Variants in SZT2 observed in about 807,000 individuals in gnomAD.
SZT2 encodes SZT2 subunit of KICSTOR complex.
A neutral mutation model predicts 404.2 loss-of-function variants in SZT2; 216 were observed. The ratio of observed to expected loss-of-function variants is 0.53; its 90% CI spans 0.48 to 0.60. The LOEUF is 0.60. Ranked by LOEUF, SZT2 falls within the 20% of genes least tolerant of loss-of-function variation. SZT2 has a pLI of 0.00. For synonymous variants in SZT2, 1,693 were observed against 1,749.9 expected, an observed-to-expected ratio of 0.97 and a Z score of 0.81; for missense variants, 3,857 against 4,459.2, an observed-to-expected ratio of 0.86 and a Z score of 3.85.
chr1:43,403,179 G>T lies in SZT2; in HGVS notation c.30G>T (p.Val10=). The T allele has an allele frequency of 6.2e-7, 1 of 1,614,096 alleles. No individual in the cohort carries two copies. Among genetic ancestry groups the T allele is most frequent in the Non-Finnish European group, 8.5e-7 (1 of 1,179,984 alleles). MASERPEPE[V]EEAGQVFLLM... Reference sequence around the variant, plus strand: ...TATTAATGTCTCTTTGTTCCCAGGTGGAAGAAGCTGGGCAGGTGTTCCTGT... The same window carrying T: ...TATTAATGTCTCTTTGTTCCCAGGTTGAAGAAGCTGGGCAGGTGTTCCTGT... The change falls in exon 2 of 72, where the codon GTG becomes GTT. Residue 10 remains valine (V), a splice_region_variant and synonymous_variant. Transcript: ENST00000634258.
At position 43,441,830 on chromosome 1, in the gene SZT2, T is replaced by A; in HGVS notation, c.7742+12T>A. On this transcript the variant is annotated intron_variant, in intron 55 of 71. Transcript: ENST00000634258. This position sits in a 1 kb window ranked among gnomAD's most constrained non-coding sequence, Gnocchi z 4.8. ...TTTGAGCAGCATTTGTGAGTGTAGA[T>A]CCTATAGAATTGAAGGGAACTCCCC... 5 of 1,613,650 alleles carry A rather than the reference T, an allele frequency of 3.1e-6. No homozygotes were observed. The highest frequency in any genetic ancestry group is 4.2e-6 in the Non-Finnish European group (5 of 1,179,708).
chr1:43,443,018 C>G lies in SZT2; in HGVS notation c.8351C>G (p.Pro2784Arg), dbSNP rs1655244150. ...CCCAGCTCCGTACTTGGTCCTGTGC[C>G]CAGACCTCCTGATCCTGTCACCTAC... ...ARPSSVLGPV[P>R]RPPDPVTYHG... Residue 2784 changes from proline (P) to arginine (R), a missense_variant, in exon 59 of 72, where the codon CCC (proline) becomes CGC (arginine). Physicochemically the swap from Pro to Arg is moderately radical, Grantham distance 103. Transcript: ENST00000634258. 1 of 1,614,072 alleles carries G rather than the reference C, an allele frequency of 6.2e-7. No individual in the cohort carries two copies. The highest frequency in any genetic ancestry group is 2.2e-5 in the East Asian group (1 of 44,874).
rs1208718138 is a variant in SZT2 at position 43,429,721 on chromosome 1, A to C, written c.4185A>C (p.Leu1395=). ...CATTCAGCATAGAGACCGAGGACCT[A>C]AGCGAGCCTGAGTTTCAGAGCACCC... ...ASESSIETED[L]SEPEFQSTRV... The change falls in exon 29 of 72, where the codon CTA becomes CTC. Residue 1395 remains leucine, a synonymous_variant. Transcript: ENST00000634258. 5.6e-6 allele frequency: 9 copies of C among 1,614,062 alleles called. No individual in the cohort carries two copies. Among genetic ancestry groups the C allele is most frequent in the Non-Finnish European group, 7.6e-6 (9 of 1,180,042 alleles).
Position 43,420,084 on chromosome 1 carries a change from C to T in SZT2, c.1091-69C>T. ...CCTCACAGTCATTTCAGCATAGCCC[C>T]TTCCCCCTACAGATCTGTCAGTTGG... On this transcript the variant is annotated intron_variant, in intron 8 of 71. Transcript: ENST00000634258. The surrounding 1 kb of genome is among the most constrained non-coding windows in gnomAD (Gnocchi z 5.1). 2 of 1,579,748 alleles carry T rather than the reference C, an allele frequency of 1.3e-6. No homozygotes were observed. Among genetic ancestry groups the T allele is most frequent in the Non-Finnish European group, 1.7e-6 (2 of 1,168,272 alleles).
Position 43,453,621 on chromosome 1 carries a change from C to G in SZT2, c.*3141C>G. ...CGGGGGCGTGTTGATCAGTACAAGC[C>G]GCAGCCCCGCTTCTCGCGCGGCGCG... On this transcript the variant is annotated 3_prime_UTR_variant, in exon 72 of 72. Transcript: ENST00000634258. 6.7e-7 allele frequency: 1 copy of G among 1,500,222 alleles called. No homozygotes were observed. Among genetic ancestry groups the G allele is most frequent in the South Asian group, 1.3e-5 (1 of 78,944 alleles). The allele number at this position is 1,500,222 out of a possible 1,614,324, so 92.9% of individuals were successfully genotyped here.
intron 1 of SZT2, among the ~76,000 whole-genome samples, chr1:43,397,294 G>T (rs2153928104): frequency 6.6e-6 from 1 of 151,916 alleles, no homozygotes; most frequent in South Asian, 2.1e-4. Flanking sequence ...GGGTGTGGTG[G>T]CACGTGCTTA....
Position 43,416,593 on chromosome 1 carries a change from A to G in SZT2, c.831A>G (p.Thr277=), listed in dbSNP as rs2153931638. 3 of 1,598,358 alleles carry G rather than the reference A, an allele frequency of 1.9e-6. No individual in the cohort carries two copies. The highest frequency in any genetic ancestry group is 4.5e-5 in the East Asian group (2 of 44,880). ...TSVPDVAVCE[T]LLNQLRSGTV... ...TACCTGATGTTGCTGTCTGTGAGACACTGCTGAACCAGCTTCGCAGTGGCA... is the reference window on the plus strand; with the variant it reads ...TACCTGATGTTGCTGTCTGTGAGACGCTGCTGAACCAGCTTCGCAGTGGCA... The change falls in exon 7 of 72, where the codon ACA becomes ACG. Residue 277 remains threonine, a synonymous_variant. Transcript: ENST00000634258.
chr1:43,434,249 GT>G (rs1654226230), intron 40 of SZT2, 136 bp from the exon 41 acceptor site: 3 of 703,956 alleles, frequency 4.3e-6, no homozygotes, highest in Non-Finnish European at 6.9e-6. Flanking sequence ...CCTTTTCATG[GT>G]TTCTCTTGGC....
At chr1:43,432,243 A>G (rs760842980) in intron 36 of SZT2, 29 bp from the exon 37 acceptor site, 4 of 1,525,810 alleles carry the variant, frequency 2.6e-6, no homozygotes, top group East Asian at 2.3e-5. Context: ...TGCCCTGCCT[A>G]AACTGTGATC....
At chr1:43,416,672 T>G (rs775979348) in intron 7 of SZT2, 31 bp downstream of exon 7, 10 of 1,535,150 alleles carry the variant, frequency 6.5e-6, no homozygotes, top group Admixed American at 3.6e-5. Flanking sequence ...ACGAGAGAGA[T>G]ATGGAATATC....
Position 43,452,066 on chromosome 1 carries a change from A to C in SZT2, c.*1586A>C. The C allele has an allele frequency of 3.2e-6, 5 of 1,564,500 alleles. No individual in the cohort carries two copies. The highest frequency in any genetic ancestry group is 2.3e-5 in the East Asian group (1 of 44,434). ...GAGCTCCTTCCCAAGTTTGTCCCCC[A>C]TCAGTCAGTCACTGGTCAAGGCCCT... On this transcript the variant is annotated 3_prime_UTR_variant, in exon 72 of 72. Coordinates refer to ENST00000634258, the MANE Select transcript of SZT2 (RefSeq NM_001365999.1).
intron 42 of SZT2, chr1:43,435,866 C>T (rs1315753008): frequency 6.6e-6 from 1 of 152,264 alleles, no homozygotes; most frequent in African/African-American, 2.4e-5. Context: ...ACCAGAATGA[C>T]CGTCTTTCCC....
Position 43,437,564 on chromosome 1 carries a change from G to C in SZT2, c.6291-31G>C. 2 of 1,613,992 alleles carry C rather than the reference G, an allele frequency of 1.2e-6. No homozygotes were observed. The highest frequency in any genetic ancestry group is 1.7e-6 in the Non-Finnish European group (2 of 1,179,944). Reference sequence around the variant, plus strand: ...TGAATTAAGGATGGCCTGGGAGGAGGCATGTCCAAAGACATGCTGCTCTTT... The same window carrying C: ...TGAATTAAGGATGGCCTGGGAGGAGCCATGTCCAAAGACATGCTGCTCTTT... On this transcript the variant is annotated intron_variant, in intron 44 of 71. Transcript: ENST00000634258. The surrounding 1 kb of genome is among the most constrained non-coding windows in gnomAD (Gnocchi z 5.3).
chr1:43,446,499 T>G, intron 65 of SZT2, 83 bp downstream of exon 65: 1 of 1,546,256 alleles, frequency 6.5e-7, no homozygotes, highest in Non-Finnish European at 8.9e-7. Flanking sequence ...TGCTGGGCAG[T>G]AGAGTAATGC....
In SZT2 at chr1:43,421,290, G is replaced by C. The variant is rs764307422; in HGVS notation, c.1613G>C (p.Gly538Ala). 7.1e-5 allele frequency: 114 copies of C among 1,598,398 alleles called. No individual in the cohort carries two copies. The South Asian group carries it at 1.2e-3, about 16-fold the overall frequency. ...SGVPLFYIPP[G>A]STTPVLSLQP... The stretch of plus-strand genomic sequence containing the variant: ...GTGCCACTCTTCTACATCCCTCCAG[G>C]CTCCACCACCCCGGTGAGTAGCTCT... The change falls in exon 11 of 72, where the codon GGC becomes GCC. Residue 538 changes from glycine to alanine, a missense_variant. By Grantham distance (60) the Gly-to-Ala change is moderately conservative. This residue lies in a region of SZT2 where 39 missense variants were observed against 89.7 expected (regional missense o/e 0.43). Transcript: ENST00000634258.
chr1:43,450,454 T>A lies in SZT2; in HGVS notation c.10273T>A (p.Phe3425Ile). The change falls in exon 72 of 72, where the codon TTC becomes ATC. Residue 3425 changes from phenylalanine to isoleucine, a missense_variant. Physicochemically the swap from Phe to Ile is conservative, Grantham distance 21. Coordinates refer to ENST00000634258, the MANE Select transcript of SZT2 (RefSeq NM_001365999.1). The surrounding 1 kb of genome is among the most constrained non-coding windows in gnomAD (Gnocchi z 4.3). ...GGAGTCTGTCATCAACACAGCCTGT[T>A]TCACCCTCTGGACCCGCCTCCTCTG... is the stretch of plus-strand genomic sequence containing the variant. The part of the protein sequence containing the change: ...HLESVINTAC[F>I]TLWTRLL 6.2e-7 allele frequency: 1 copy of A among 1,614,038 alleles called. No homozygotes were observed. The highest frequency in any genetic ancestry group is 1.1e-5 in the South Asian group (1 of 91,080).
intron 4 of SZT2, among the ~76,000 whole-genome samples, chr1:43,408,141 A>T (rs1650560162): frequency 1.3e-5 from 2 of 151,456 alleles, no homozygotes; most frequent in African/African-American, 2.4e-5. Flanking sequence ...TTAAATTCTA[A>T]CATTTTATGG....
chr1:43,422,956 C>CA, intron 14 of SZT2, 73 bp downstream of exon 14: 6 of 1,501,720 alleles, frequency 4.0e-6, no homozygotes, highest in Non-Finnish European at 4.5e-6. Context: ...CCAAACCCCA[C>CA]AGGGCCAGGT....
Position 43,438,632 on chromosome 1 carries a change from A to G in SZT2, c.6509-67A>G, listed in dbSNP as rs201177857. 129 of 1,460,016 alleles carry G rather than the reference A, an allele frequency of 8.8e-5. 2 individuals are homozygous for G. The East Asian group carries it at 2.9e-3, about 33-fold the overall frequency. The allele number at this position is 1,460,016 out of a possible 1,614,324, so 90.4% of individuals were successfully genotyped here. On this transcript the variant is annotated intron_variant, in intron 46 of 71. Transcript: ENST00000634258. ...GGGGATTCTTTGAGTTTGGCATGATAGGGCTGCTATGGAGGTAGCTGGATC... is the reference window on the plus strand; with the variant it reads ...GGGGATTCTTTGAGTTTGGCATGATGGGGCTGCTATGGAGGTAGCTGGATC...
Sources: gnomAD v4.1 joint callset for allele counts (sites outside exome capture counted in the v4.1 genomes callset) on GRCh38, gnomAD v4.1.1 for gene constraint, gnomAD v4.1.1 regional missense constraint, Gnocchi (gnomAD v3.1) non-coding constraint, MANE v1.5 for transcripts, NCBI Gene and HGNC (gene_info 2026-07-23, HGNC 2026-07-21) for gene names.